The following CRADD variants were observed in gnomAD, a reference collection of about 807,000 sequenced individuals.
CRADD encodes CARD and death domain containing adaptor protein.
CRADD carries 9 observed loss-of-function variants against 15.5 expected under a neutral mutation model. The ratio of observed to expected loss-of-function variants is 0.58; its 90% confidence interval spans 0.35 to 1.01. CRADD has a LOEUF of 1.01. CRADD is among the 50% of genes least tolerant of loss of function. CRADD has a pLI of 0.02. For missense variants in CRADD, 227 were observed against 250.3 expected (o/e 0.91, Z 0.63); for synonymous variants, 118 against 107.6 (o/e 1.10, Z -0.60).
chr12:93,849,986 G>A lies in CRADD; in HGVS notation c.315G>A (p.Gly105=). The part of the protein sequence containing the change: ...TDLPAGDRLT[G]IPSHILNSSP... Reference sequence around the variant, plus strand: ...CCTCCTCAGGTGACAGATTGACTGGGATCCCCTCGCACATCCTCAACAGCT... The same window carrying A: ...CCTCCTCAGGTGACAGATTGACTGGAATCCCCTCGCACATCCTCAACAGCT... The change falls in exon 3 of 3, where the codon GGG becomes GGA. Residue 105 remains glycine (G), a synonymous_variant. Coordinates refer to ENST00000332896, the MANE Select transcript of CRADD (RefSeq NM_003805.5). 1.2e-6 allele frequency: 2 copies of A among 1,605,334 alleles called. No individual in the cohort carries two copies. The highest frequency in any genetic ancestry group is 1.1e-5 in the South Asian group (1 of 90,884).
At chr12:93,777,177 TG>T (rs1191204187) in intron 2 of CRADD, among the ~76,000 whole-genome samples, 1 of 151,822 alleles carries the variant, frequency 6.6e-6, no homozygotes, top group Non-Finnish European at 1.5e-5. Flanking sequence ...CCAGGCAAGG[TG>T]GGGGAAGGTG....
At chr12:93,729,511 C>A (rs563032858) in intron 2 of CRADD, among the ~76,000 whole-genome samples, 22 of 152,154 alleles carry the variant, frequency 1.4e-4, no homozygotes, top group African/African-American at 4.6e-4. Context: ...TTACAGCCAG[C>A]CACGGTGGCT....
At chr12:93,767,780 C>A (rs190685832) in intron 2 of CRADD, among the ~76,000 whole-genome samples, 1 of 152,232 alleles carries the variant, frequency 6.6e-6, no homozygotes, top group Admixed American at 6.5e-5. Flanking sequence ...CACTCTTCAG[C>A]AGTATACCAC....
At chr12:93,780,005 C>T (rs918946467) in intron 2 of CRADD, among the ~76,000 whole-genome samples, 3 of 152,070 alleles carry the variant, frequency 2.0e-5, no homozygotes, top group East Asian at 1.9e-4. Flanking sequence ...TGGCGTAAAC[C>T]GGTAAGAAAA....
chr12:93,697,027 A>G (rs1955724358), intron 2 of CRADD, among the ~76,000 whole-genome samples: 6 of 152,182 alleles, frequency 3.9e-5, no homozygotes, highest in Admixed American at 6.5e-5. Context: ...ACTGTATTGC[A>G]TTCTTGAAAA....
In CRADD at chr12:93,841,113, G is replaced by A. The variant is rs554701549; in HGVS notation, c.299-8857G>A. Among the ~76,000 whole-genome samples the A allele has an allele frequency of 2.6e-5, 4 of 152,068 alleles. No homozygotes were observed. The South Asian group carries it at 8.3e-4, about 32-fold the overall frequency. ...GATAATAATGACTTTCCTCTTTGGT[G>A]GATTGATATATTGAGTTAAGTGGTA... On this transcript the variant is annotated intron_variant, in intron 2 of 2. Transcript: ENST00000332896.
chr12:93,745,954 A>G (rs1033716135), intron 2 of CRADD, among the ~76,000 whole-genome samples: 5 of 152,222 alleles, frequency 3.3e-5, no homozygotes, highest in Admixed American at 6.5e-5. Context: ...ACATACACAC[A>G]CTATTACCAC....
At chr12:93,797,116 T>G (rs1957427017) in intron 2 of CRADD, among the ~76,000 whole-genome samples, 1 of 152,188 alleles carries the variant, frequency 6.6e-6, no homozygotes. Context: ...AACACTTTGA[T>G]GAGTGCTTGC....
chr12:93,708,781 A>G (rs1333115537), intron 2 of CRADD: 1 of 152,216 alleles, frequency 6.6e-6, no homozygotes, highest in African/African-American at 2.4e-5. Flanking sequence ...AGAATCTTGA[A>G]ACAGGGTGTG....
intron 2 of CRADD, among the ~76,000 whole-genome samples, chr12:93,724,367 A>T (rs1042742945): frequency 4.9e-5 from 7 of 142,788 alleles, no homozygotes; most frequent in African/African-American, 1.8e-4. Context: ...TGACAGAGCC[A>T]GACCCTGTCT....
chr12:93,797,140 A>AC (rs1231065685), intron 2 of CRADD, among the ~76,000 whole-genome samples: 4 of 152,172 alleles, frequency 2.6e-5, no homozygotes, highest in Non-Finnish European at 5.9e-5. Context: ...AGAAAAGGAA[A>AC]CCCCAAAGGC....
intron 2 of CRADD, among the ~76,000 whole-genome samples, chr12:93,818,362 C>T (rs1434970356): frequency 2.0e-5 from 3 of 152,184 alleles, no homozygotes; most frequent in Non-Finnish European, 4.4e-5. Context: ...TTCACACCTC[C>T]CCACTCCCCA....
intron 2 of CRADD, chr12:93,790,581 G>A (rs1957337970): frequency 6.6e-6 from 1 of 151,978 alleles, no homozygotes; most frequent in Admixed American, 6.6e-5. Flanking sequence ...CTATATTTGT[G>A]TAATATTTAT....
rs143289374 is a variant in CRADD at position 93,882,352 on chromosome 12, C to T, written c.299-11698C>T. ...AGGAGAATCGCTTGAACCCGGGAAA[C>T]GGAGGTTGCAGTGAGCTGAGTCTGT... On this transcript the variant is annotated intron_variant, in intron 2 of 2. Transcript: ENST00000548483. Among the ~76,000 whole-genome samples the T allele has an allele frequency of 4.0e-3, 567 of 143,506 alleles. 4 individuals carry two copies. Among genetic ancestry groups the T allele is most frequent in the African/African-American group, 0.014 (520 of 38,192 alleles). 94.1% of individuals were successfully genotyped at this position (143,506 alleles called of 152,430 possible).
At chr12:93,820,081 C>A (rs1426743576) in intron 2 of CRADD, among the ~76,000 whole-genome samples, 1 of 152,224 alleles carries the variant, frequency 6.6e-6, no homozygotes, top group Non-Finnish European at 1.5e-5. Context: ...CCATCAGCCC[C>A]CTTTGATGCT....
intron 2 of CRADD, among the ~76,000 whole-genome samples, chr12:93,842,126 C>CT (rs5800119): frequency 0.6 from 91,120 of 152,008 alleles, 27,710 homozygotes; most frequent in Middle Eastern, 0.69. Flanking sequence ...TGCACCTCTT[C>CT]TTAGCCGTTG....
intron 2 of CRADD, among the ~76,000 whole-genome samples, chr12:93,758,087 A>G (rs1226134518): frequency 2.0e-5 from 3 of 152,264 alleles, no homozygotes; most frequent in Admixed American, 6.5e-5. Flanking sequence ...TTCTTCTAAG[A>G]AATGAAGTCT....
intron 2 of CRADD, among the ~76,000 whole-genome samples, chr12:93,832,131 A>C (rs1163469915): frequency 6.6e-6 from 1 of 152,130 alleles, no homozygotes; most frequent in African/African-American, 2.4e-5. Context: ...CAATCTAATG[A>C]AGTTATTTTG....
At chr12:93,872,290 A>G (rs1305902242) in intron 2 of CRADD, among the ~76,000 whole-genome samples, 2 of 151,860 alleles carry the variant, frequency 1.3e-5, no homozygotes, top group African/African-American at 4.8e-5. Flanking sequence ...TGGAATCCTT[A>G]TATATTCTTA....
Sources: allele counts gnomAD v4.1 joint callset (sites outside exome capture counted in the v4.1 genomes callset), GRCh38; gene constraint gnomAD v4.1.1; transcripts MANE v1.5; gene names NCBI Gene and HGNC (gene_info 2026-07-23, HGNC 2026-07-21).